The following ST3GAL3 variants were observed in gnomAD, a reference collection of about 807,000 sequenced individuals.
ST3GAL3 encodes the protein ST3 beta-galactoside alpha-2,3-sialyltransferase 3.
Under a neutral mutation model 50.1 loss-of-function variants are expected in ST3GAL3, and 21 were observed. The observed-to-expected ratio is 0.42, with a 90% CI of 0.30 to 0.60. The LOEUF (loss-of-function observed/expected upper bound fraction) is 0.60. Among genes scored for constraint, ST3GAL3 ranks in the 20% least tolerant of loss-of-function variants. The pLI, the probability that ST3GAL3 is intolerant of heterozygous loss-of-function variation, is 0.19. For synonymous variants in ST3GAL3, 183 were observed against 190.0 expected (o/e 0.96, Z 0.30); for missense variants, 353 against 489.4 (o/e 0.72, Z 2.63).
intron 4 of ST3GAL3, chr1:43,831,634 C>G (rs1431853337): frequency 6.6e-6 from 1 of 152,196 alleles, no homozygotes. Flanking sequence ...AAACAGTGAT[C>G]TTCTCCCTTC....
At chr1:43,884,838 C>T (rs1570646289) in intron 5 of ST3GAL3, among the ~76,000 whole-genome samples, 1 of 152,302 alleles carries the variant, frequency 6.6e-6, no homozygotes, top group African/African-American at 2.4e-5. Flanking sequence ...CCATCTGTTA[C>T]CCTAATCCAG....
At chr1:43,808,416 G>T (rs1024127650) in intron 3 of ST3GAL3, among the ~76,000 whole-genome samples, 3 of 151,952 alleles carry the variant, frequency 2.0e-5, no homozygotes, top group Non-Finnish European at 4.4e-5. Flanking sequence ...TGTTGAGCAA[G>T]GTGAGGTCTA....
intron 4 of ST3GAL3, among the ~76,000 whole-genome samples, chr1:43,831,152 C>T (rs1386289000): frequency 6.6e-6 from 1 of 152,176 alleles, no homozygotes; most frequent in East Asian, 1.9e-4. Flanking sequence ...GGCTTAAACT[C>T]CAATCTTCTT....
At chr1:43,897,037 ATT>A (rs36010473) in intron 6 of ST3GAL3, among the ~76,000 whole-genome samples, 13,856 of 142,330 alleles carry the variant, frequency 0.097, 885 homozygotes, top group South Asian at 0.23. Context: ...TAGGTCATTG[ATT>A]TTTTTTTTTT....
chr1:43,814,702 T>C (rs1426257167), intron 3 of ST3GAL3, among the ~76,000 whole-genome samples, 189 bp from the exon 4 acceptor site: 2 of 152,218 alleles, frequency 1.3e-5, no homozygotes, highest in African/African-American at 2.4e-5. Context: ...GGCATTGAAC[T>C]TGGTCCATCA....
intron 9 of ST3GAL3, chr1:43,919,458 T>C (rs914166378): frequency 2.0e-5 from 3 of 152,290 alleles, no homozygotes; most frequent in African/African-American, 7.2e-5. Flanking sequence ...GCAGGGTTGG[T>C]TTGTGACCTC....
At chr1:43,836,422 A>G (rs901333131) in intron 4 of ST3GAL3, among the ~76,000 whole-genome samples, 4 of 152,220 alleles carry the variant, frequency 2.6e-5, no homozygotes, top group Admixed American at 2.0e-4. Flanking sequence ...TGCATTGATC[A>G]GATGAGTTTG....
At chr1:43,848,351 G>A (rs1453525728) in intron 5 of ST3GAL3, among the ~76,000 whole-genome samples, 1 of 137,880 alleles carries the variant, frequency 7.3e-6, no homozygotes, top group Non-Finnish European at 1.5e-5. Flanking sequence ...TGTTGCCCAG[G>A]CTGGAGTGCA....
intron 5 of ST3GAL3, among the ~76,000 whole-genome samples, chr1:43,880,862 A>G (rs2074997812): frequency 1.3e-5 from 2 of 152,208 alleles, no homozygotes; most frequent in African/African-American, 2.4e-5. Context: ...TGGAGAGAGC[A>G]CTTAGAACAG....
chr1:43,889,123 T>C (rs2076357965), intron 5 of ST3GAL3, among the ~76,000 whole-genome samples: 2 of 151,984 alleles, frequency 1.3e-5, no homozygotes, highest in East Asian at 1.9e-4. Flanking sequence ...CAGGATATAT[T>C]GTTTAGTAAA....
intron 2 of ST3GAL3, among the ~76,000 whole-genome samples, chr1:43,748,288 A>C (rs1048093531): frequency 6.6e-6 from 1 of 152,138 alleles, no homozygotes; most frequent in Non-Finnish European, 1.5e-5. Flanking sequence ...CATATGCAAG[A>C]CCTCTACACT....
intron 1 of ST3GAL3, among the ~76,000 whole-genome samples, chr1:43,725,827 T>G (rs1312723703): frequency 6.6e-6 from 1 of 152,044 alleles, no homozygotes; most frequent in Admixed American, 6.6e-5. Flanking sequence ...TTGTATTTTT[T>G]GTAGAGACGG....
chr1:43,818,010 C>T (rs2154181257), intron 4 of ST3GAL3, among the ~76,000 whole-genome samples: 1 of 152,176 alleles, frequency 6.6e-6, no homozygotes, highest in East Asian at 1.9e-4. Flanking sequence ...GTTAGGATTA[C>T]AGCTGTAAGC....
chr1:43,891,860 G>T (rs1481281791), intron 5 of ST3GAL3, among the ~76,000 whole-genome samples: 1 of 152,188 alleles, frequency 6.6e-6, no homozygotes, highest in African/African-American at 2.4e-5. Context: ...ATGGATCTAG[G>T]CGGTGATCCT....
chr1:43,803,114 C>T (rs6665149), intron 3 of ST3GAL3, among the ~76,000 whole-genome samples: 59,392 of 151,816 alleles, frequency 0.39, 11,959 homozygotes, highest in East Asian at 0.59. Context: ...TTAGTAGAGA[C>T]GGGGTTTCAC....
At chr1:43,738,806 G>A (rs1198378167) in intron 2 of ST3GAL3, 2 of 152,076 alleles carry the variant, frequency 1.3e-5, no homozygotes, top group Non-Finnish European at 2.9e-5. Context: ...CCGGAGAGGA[G>A]TCCTTTACTT....
At chr1:43,731,315 G>A (rs933301142) in intron 1 of ST3GAL3, among the ~76,000 whole-genome samples, 22 of 151,616 alleles carry the variant, frequency 1.5e-4, no homozygotes, top group South Asian at 4.2e-4. Flanking sequence ...GGGTTCAAGC[G>A]ATTCCCCTGC....
At chr1:43,797,092 G>T (rs1241077046) in intron 3 of ST3GAL3, among the ~76,000 whole-genome samples, 3 of 152,196 alleles carry the variant, frequency 2.0e-5, no homozygotes, top group Non-Finnish European at 4.4e-5. Flanking sequence ...GGAGGCTGAG[G>T]CAGGAGGATC....
At chr1:43,905,121 C>G (rs1213051714) in intron 9 of ST3GAL3, among the ~76,000 whole-genome samples, 1 of 137,800 alleles carries the variant, frequency 7.3e-6, no homozygotes, top group Non-Finnish European at 1.6e-5. Context: ...CTTCCTGCCA[C>G]TCTTCCTCCT....
Sources: allele counts gnomAD v4.1 joint callset (sites outside exome capture counted in the v4.1 genomes callset), GRCh38; gene constraint gnomAD v4.1.1; transcripts MANE v1.5; gene names NCBI Gene and HGNC (gene_info 2026-07-23, HGNC 2026-07-21).